ALDH16A1: variants seen among roughly 807,000 people sequenced by gnomAD.
ALDH16A1 encodes aldehyde dehydrogenase family 16 member A1.
Under a neutral mutation model 96.1 loss-of-function variants are expected in ALDH16A1, and 88 were observed. The ratio of observed to expected loss-of-function variants is 0.92; its 90% CI spans 0.77 to 1.09. The LOEUF (loss-of-function observed/expected upper bound fraction) is 1.09, where lower values mean the gene tolerates loss of function less well. Among genes scored for constraint, ALDH16A1 ranks in the 50% least tolerant of loss-of-function variants. The probability of loss-of-function intolerance (pLI) is 0.00; values close to 1 mark genes in which losing one functional copy is unlikely to be tolerated. For missense variants in ALDH16A1, 1,250 were observed against 1,112.6 expected, an observed-to-expected ratio of 1.12 and a Z score of -1.76; for synonymous variants, 522 against 496.4, an observed-to-expected ratio of 1.05 and a Z score of -0.69.
chr19:49,463,863 G>T lies in ALDH16A1; in HGVS notation c.1108G>T (p.Ala370Ser). The T allele has an allele frequency of 6.2e-7, 1 of 1,613,248 alleles. No individual in the cohort carries two copies. ...TCATTTCTCTCCCTAGGTGTTCCAG[G>T]CTGGTGATGTGCCTTCGGAACGCCC... ...AQSQGAQVFQ[A>S]GDVPSERPFY... Residue 370 changes from alanine (A) to serine (S), a missense_variant, in exon 9 of 17, where the codon GCT (alanine) becomes TCT (serine). Coordinates refer to ENST00000293350, the MANE Select transcript of ALDH16A1 (RefSeq NM_153329.4).
At chr19:49,455,732 T>C (rs541009418) in intron 1 of ALDH16A1, among the ~76,000 whole-genome samples, 1 of 152,198 alleles carries the variant, frequency 6.6e-6, no homozygotes, top group Admixed American at 6.5e-5. Flanking sequence ...CCTATCTCTA[T>C]TAATATAAAA....
chr19:49,460,832 C>T lies in ALDH16A1; in HGVS notation c.510C>T (p.Gly170=), dbSNP rs1270920647. The stretch of plus-strand genomic sequence containing the variant: ...ATTTTTTTCTTGCAGGAGTAATTGG[C>T]CTCATCCTGCCACCCACATTCTCCT... ...LAGWEPMGVI[G]LILPPTFSFL... The change falls in exon 5 of 17, where the codon GGC becomes GGT. Residue 170 remains glycine (G), a synonymous_variant. Coordinates refer to ENST00000293350, the MANE Select transcript of ALDH16A1 (RefSeq NM_153329.4). 3 of 1,612,336 alleles carry T rather than the reference C, an allele frequency of 1.9e-6. No individual in the cohort carries two copies. Among genetic ancestry groups the T allele is most frequent in the East Asian group, 4.5e-5 (2 of 44,822 alleles).
rs369977868 is a variant in ALDH16A1, at chr19:49,463,984, C to T, written c.1194+35C>T. On this transcript the variant is annotated intron_variant, in intron 9 of 16. Transcript: ENST00000293350. ...TTAAGGCTGCAGAGCTCCTACCCACCGCCAGCCAAGGGCAGCAGCTCTGTG... is the reference window on the plus strand; with the variant it reads ...TTAAGGCTGCAGAGCTCCTACCCACTGCCAGCCAAGGGCAGCAGCTCTGTG... 1.8e-5 allele frequency: 28 copies of T among 1,589,010 alleles called. No homozygotes were observed. The African/African-American group carries it at 2.3e-4, about 13-fold the overall frequency.
At chr19:49,469,479 G>C in intron 16 of ALDH16A1, 1 of 152,282 alleles carries the variant, frequency 6.6e-6, no homozygotes, top group Non-Finnish European at 1.5e-5. Context: ...GAACTCCTGG[G>C]CTCAAGTGAT....
At position 49,464,502 on chromosome 19, in the gene ALDH16A1, TC is replaced by T. The variant is rs1568654605; in HGVS notation, c.1419del (p.Trp474GlyfsTer28). The T allele has an allele frequency of 2.5e-6, 4 of 1,613,760 alleles. No homozygotes were observed. The highest frequency in any genetic ancestry group is 3.4e-6 in the Non-Finnish European group (4 of 1,179,922). The part of the protein sequence containing the change: ...PTGGCKESGC[S>X]WHGGPDGLYE... ...AGGCGGCTGCAAGGAGAGTGGGTGT[TC>T]CTGGCACGGGGGCCCAGACGTGAGT... On this transcript the variant is annotated frameshift_variant, in exon 11 of 17. Transcript: ENST00000293350. LOFTEE classifies it high-confidence loss of function.
intron 14 of ALDH16A1, among the ~76,000 whole-genome samples, chr19:49,466,723 G>A (rs544502855): frequency 1.4e-4 from 21 of 151,062 alleles, no homozygotes; most frequent in African/African-American, 4.4e-4. Context: ...AGCTGGGTAC[G>A]GTGGTGGGCA....
At position 49,459,963 on chromosome 19, in the gene ALDH16A1, T is replaced by C; in HGVS notation, c.499+115T>C. 2 of 1,272,752 alleles carry C rather than the reference T, an allele frequency of 1.6e-6. No homozygotes were observed. The highest frequency in any genetic ancestry group is 2.1e-6 in the Non-Finnish European group (2 of 949,122). 78.8% of individuals were successfully genotyped at this position (1,272,752 alleles called of 1,614,324 possible). On this transcript the variant is annotated intron_variant, in intron 4 of 16. Coordinates refer to ENST00000293350, the MANE Select transcript of ALDH16A1 (RefSeq NM_153329.4). The surrounding 1 kb of genome is among the most constrained non-coding windows in gnomAD (Gnocchi z 4.1). ...TTCGCTCTTGTCGCCCAGGCCGGAG[T>C]GCAGTGGCGCAATCTTGGCTCACTA...
intron 1 of ALDH16A1, among the ~76,000 whole-genome samples, chr19:49,457,117 A>AT (rs2122367830): frequency 6.6e-6 from 1 of 151,848 alleles, no homozygotes; most frequent in East Asian, 2.0e-4. Flanking sequence ...TCAAAAAAAA[A>AT]AAAGAAAGAA....
intron 7 of ALDH16A1, among the ~76,000 whole-genome samples, 179 bp downstream of exon 7, chr19:49,462,215 C>T (rs2079155966): frequency 1.2e-5 from 1 of 84,622 alleles, no homozygotes; most frequent in Non-Finnish European, 2.5e-5. Flanking sequence ...TCACCGCAAC[C>T]TCTGCCTCCC....
chr19:49,460,931 G>C (rs2122383204), intron 5 of ALDH16A1, 32 bp downstream of exon 5: 1 of 1,602,564 alleles, frequency 6.2e-7, no homozygotes, highest in Non-Finnish European at 8.5e-7. Flanking sequence ...CCTGACTCTT[G>C]GGTCTGAGAA....
At chr19:49,469,564 T>TA (rs2079227763) in intron 16 of ALDH16A1, 3 of 149,320 alleles carry the variant, frequency 2.0e-5, no homozygotes, top group Middle Eastern at 3.4e-3. Flanking sequence ...TACTGTTTTT[T>TA]TTTTTATTTT....
intron 1 of ALDH16A1, 68 bp downstream of exon 1, chr19:49,453,489 G>A: frequency 7.1e-7 from 1 of 1,414,904 alleles, no homozygotes; most frequent in Non-Finnish European, 9.5e-7. Flanking sequence ...TTTTCGCGGG[G>A]AGTCCCGTCA....
intron 8 of ALDH16A1, among the ~76,000 whole-genome samples, chr19:49,463,024 T>C (rs1423444173): frequency 1.1e-4 from 11 of 99,754 alleles, no homozygotes; most frequent in Admixed American, 3.0e-4. Flanking sequence ...GGGCTGGGCC[T>C]GGACTCCTGG....
At chr19:49,454,527 C>T (rs1367517924) in intron 1 of ALDH16A1, among the ~76,000 whole-genome samples, 2 of 152,144 alleles carry the variant, frequency 1.3e-5, no homozygotes, top group African/African-American at 4.8e-5. Context: ...CCAGAACCCT[C>T]GTGGGGTTCC....
At chr19:49,454,494 C>T (rs1465869113) in intron 1 of ALDH16A1, among the ~76,000 whole-genome samples, 1 of 152,078 alleles carries the variant, frequency 6.6e-6, no homozygotes, top group African/African-American at 2.4e-5. Flanking sequence ...CTCCCTAGGA[C>T]TCCCATGACC....
chr19:49,463,833 C>T, intron 8 of ALDH16A1, 21 bp from the exon 9 acceptor site: 1 of 1,607,588 alleles, frequency 6.2e-7, no homozygotes, highest in Non-Finnish European at 8.5e-7. Flanking sequence ...AAGTCGACTT[C>T]TAGATCATTT....
chr19:49,464,064 C>G (rs975049400), intron 9 of ALDH16A1, 63 bp from the exon 10 acceptor site: 197 of 1,586,018 alleles, frequency 1.2e-4, no homozygotes, highest in Non-Finnish European at 1.6e-4. Flanking sequence ...CTGCTGCCTG[C>G]TCTAGGCTCC....
In ALDH16A1 at chr19:49,468,255, A is replaced by G; in HGVS notation, c.1939-126A>G. The G allele has an allele frequency of 1.1e-6, 1 of 948,380 alleles. No individual in the cohort carries two copies. Among genetic ancestry groups the G allele is most frequent in the Non-Finnish European group, 1.5e-6 (1 of 646,992 alleles). 58.7% of individuals were successfully genotyped at this position (948,380 alleles called of 1,614,324 possible). On this transcript the variant is annotated intron_variant, in intron 14 of 16. Transcript: ENST00000293350. This position sits in a 1 kb window ranked among gnomAD's most constrained non-coding sequence, Gnocchi z 4.4. Reference sequence around the variant, plus strand: ...CTTTGACCAGCGTCTGCGAAATGGCAGGGGCTTCCACAATGGTGCGGTTTG... The same window carrying G: ...CTTTGACCAGCGTCTGCGAAATGGCGGGGGCTTCCACAATGGTGCGGTTTG...
Position 49,459,628 on chromosome 19 carries a change from G to A in ALDH16A1, c.321-42G>A. On this transcript the variant is annotated intron_variant, in intron 3 of 16. Transcript: ENST00000293350. The surrounding 1 kb of genome is among the most constrained non-coding windows in gnomAD (Gnocchi z 4.1). ...GAGCAGCCCAGGACTCTGCAAGGCTGAGGGCCGTTGGAAAATGAGCACCCT... is the reference window on the plus strand; with the variant it reads ...GAGCAGCCCAGGACTCTGCAAGGCTAAGGGCCGTTGGAAAATGAGCACCCT... 6.4e-7 allele frequency: 1 copy of A among 1,569,448 alleles called. No individual in the cohort carries two copies. Among genetic ancestry groups the A allele is most frequent in the Non-Finnish European group, 8.6e-7 (1 of 1,158,680 alleles).
Sources: gnomAD v4.1 joint callset for allele counts (sites outside exome capture counted in the v4.1 genomes callset) on GRCh38, gnomAD v4.1.1 for gene constraint, Gnocchi (gnomAD v3.1) non-coding constraint, MANE v1.5 for transcripts, NCBI Gene and HGNC (gene_info 2026-07-23, HGNC 2026-07-21) for gene names.